The following KRT39 variants were observed in gnomAD, a reference collection of about 807,000 sequenced individuals.
KRT39 encodes keratin 39, also known as keratin, type I cytoskeletal 39.
In KRT39, 47 loss-of-function variants were observed where a neutral mutation model predicts 54.8. The ratio of observed to expected loss-of-function variants is 0.86; its 90% confidence interval spans 0.68 to 1.09. The LOEUF (loss-of-function observed/expected upper bound fraction) is 1.09. Ranked by LOEUF, KRT39 falls within the 50% of genes least tolerant of loss-of-function variation. The pLI is 0.00. For missense variants in KRT39, 580 were observed against 598.5 expected, an observed-to-expected ratio of 0.97 and a Z score of 0.32; for synonymous variants, 207 against 227.9, an observed-to-expected ratio of 0.91 and a Z score of 0.83.
Position 40,958,553 on chromosome 17 carries a change from A to G in KRT39, c.*48T>C, listed in dbSNP as rs527832356. ...TTAAACCTCTCTGGCAGGAGCATGT[A>G]TTGGCCTCTGTTTCATAAATGTGGG... On this transcript the variant is annotated 3_prime_UTR_variant, in exon 7 of 7. Transcript: ENST00000355612. 2 of 1,555,644 alleles carry G rather than the reference A, an allele frequency of 1.3e-6. No individual in the cohort carries two copies. The highest frequency in any genetic ancestry group is 1.7e-6 in the Non-Finnish European group (2 of 1,151,412).
rs189637026 is a variant in KRT39 at position 40,958,452 on chromosome 17, A to C, written c.*149T>G. The C allele has an allele frequency of 1.3e-3, 964 of 735,024 alleles. 8 individuals carry two copies. Among genetic ancestry groups the C allele is most frequent in the Non-Finnish European group, 1.1e-4 (49 of 454,368 alleles). The allele number at this position is 735,024 out of a possible 1,614,324, so 45.5% of individuals were successfully genotyped here. A position where few individuals can be genotyped will look rare whatever the true frequency, so the allele number is the denominator to read the frequency against. On this transcript the variant is annotated 3_prime_UTR_variant, in exon 7 of 7. Transcript: ENST00000355612. ...GGTGAGTTAGGGAAGGAGCAGAATA[A>C]AAGATATTCTACCTAGCAATGGGGA...
chr17:40,959,672 G>A (rs188792401), intron 6 of KRT39, among the ~76,000 whole-genome samples: 6 of 152,282 alleles, frequency 3.9e-5, no homozygotes, highest in Admixed American at 3.9e-4. Flanking sequence ...AGTCTCTGGG[G>A]TTTTAGTTTG....
chr17:40,960,138 GGGTGTGT>G (rs1911077422), intron 6 of KRT39, 136 bp downstream of exon 6: 2 of 673,176 alleles, frequency 3.0e-6, no homozygotes, highest in East Asian at 2.7e-5. Context: ...CAGCTTGAGA[GGGTGTGT>G]GGATGCCTCT....
intron 5 of KRT39, among the ~76,000 whole-genome samples, chr17:40,961,800 C>T (rs1911161267): frequency 6.6e-6 from 1 of 152,166 alleles, no homozygotes; most frequent in Non-Finnish European, 1.5e-5. Flanking sequence ...TAATAAAATG[C>T]TCTCCCAGTG....
intron 1 of KRT39, 70 bp from the exon 2 acceptor site, chr17:40,964,598 TTG>T (rs1911290650): frequency 3.8e-6 from 4 of 1,049,794 alleles, no homozygotes; most frequent in Admixed American, 1.7e-5. Flanking sequence ...ACCAAGGGGT[TTG>T]TGTGTGTGTC....
Position 40,966,903 on chromosome 17 carries a change from T to A in KRT39, c.-47A>T, listed in dbSNP as rs200743058. 48 of 1,424,762 alleles carry A rather than the reference T, an allele frequency of 3.4e-5. No homozygotes were observed. The African/African-American group carries it at 6.5e-4, about 19-fold the overall frequency. 88.3% of individuals were successfully genotyped at this position (1,424,762 alleles called of 1,614,324 possible). A position where few individuals can be genotyped will look rare whatever the true frequency, so the allele number is the denominator to read the frequency against. Reference sequence around the variant, plus strand: ...TGTTCCAGGTCTGTGGTCACCAGGATGAAAAGCTCAAGCCACCTCCACAGA... The same window carrying A: ...TGTTCCAGGTCTGTGGTCACCAGGAAGAAAAGCTCAAGCCACCTCCACAGA... On this transcript the variant is annotated 5_prime_UTR_variant, in exon 1 of 7. Coordinates refer to ENST00000355612, the MANE Select transcript of KRT39 (RefSeq NM_213656.4).
In KRT39 at chr17:40,960,439, C is replaced by T; in HGVS notation, c.1059G>A (p.Gln353=). The part of the protein sequence containing the change: ...TEARYTALLT[Q]IQSLIDNLEA... The stretch of plus-strand genomic sequence containing the variant: ...CCAGGTTATCAATCAGACTCTGGAT[C>T]TGGGTCAGCAAGGCCGTGTAGCGAG... The change falls in exon 6 of 7, where the codon CAG becomes CAA. Residue 353 remains glutamine (Q), a synonymous_variant. Coordinates refer to ENST00000355612, the MANE Select transcript of KRT39 (RefSeq NM_213656.4). 1 of 1,614,022 alleles carries T rather than the reference C, an allele frequency of 6.2e-7. No individual in the cohort carries two copies. Among genetic ancestry groups the T allele is most frequent in the Non-Finnish European group, 8.5e-7 (1 of 1,180,014 alleles).
In KRT39 at chr17:40,958,819, G is replaced by C. The variant is rs1567828836; in HGVS notation, c.1258C>G (p.Pro420Ala). The change falls in exon 7 of 7, where the codon CCT (proline) becomes GCT (alanine). Residue 420 changes from proline to alanine, a missense_variant. Transcript: ENST00000355612. ...GCTCCGGACTTACAAGATGTCCAAGGGGAAGGCTCACATTTGGTGGCACGT... is the reference window on the plus strand; with the variant it reads ...GCTCCGGACTTACAAGATGTCCAAGCGGAAGGCTCACATTTGGTGGCACGT... The part of the protein sequence containing the change: ...YPRATKCEPS[P>A]WTSCKSGAIE... The C allele has an allele frequency of 6.2e-7, 1 of 1,611,892 alleles. No homozygotes were observed. The highest frequency in any genetic ancestry group is 2.2e-5 in the East Asian group (1 of 44,730).
chr17:40,960,410 G>C lies in KRT39; in HGVS notation c.1088C>G (p.Ala363Gly). The part of the protein sequence containing the change: ...QIQSLIDNLE[A>G]QLAEIRCALE... ...GGCACACCGGATCTCTGCCAGCTGA[G>C]CTTCCAGGTTATCAATCAGACTCTG... Residue 363 changes from alanine (A) to glycine (G), a missense_variant, in exon 6 of 7, where the codon GCT becomes GGT. Physicochemically the swap from Ala to Gly is moderately conservative, Grantham distance 60 (BLOSUM62 0). Coordinates refer to ENST00000355612, the MANE Select transcript of KRT39 (RefSeq NM_213656.4). 6.2e-7 allele frequency: 1 copy of C among 1,614,086 alleles called. No individual in the cohort carries two copies. Among genetic ancestry groups the C allele is most frequent in the Non-Finnish European group, 8.5e-7 (1 of 1,180,008 alleles).
At chr17:40,962,124 A>G (rs377714316) in intron 5 of KRT39, 38 bp downstream of exon 5, 1 of 1,609,112 alleles carries the variant, frequency 6.2e-7, no homozygotes, top group Non-Finnish European at 8.5e-7. Flanking sequence ...GACTGTTTCC[A>G]TCTTTGCTGA....
rs2143605240 is a variant in KRT39 at position 40,958,483 on chromosome 17, T to G, written c.*118A>C. ...ATTCTACCTAGCAATGGGGACCCGCTGTAGTAGTAAGAAACTAAGTACCTT... is the reference window on the plus strand; with the variant it reads ...ATTCTACCTAGCAATGGGGACCCGCGGTAGTAGTAAGAAACTAAGTACCTT... On this transcript the variant is annotated 3_prime_UTR_variant, in exon 7 of 7. Coordinates refer to ENST00000355612, the MANE Select transcript of KRT39 (RefSeq NM_213656.4). 8.8e-7 allele frequency: 1 copy of G among 1,137,220 alleles called. No individual in the cohort carries two copies. The highest frequency in any genetic ancestry group is 2.5e-5 in the Admixed American group (1 of 40,166). The allele number at this position is 1,137,220 out of a possible 1,614,324, so 70.4% of individuals were successfully genotyped here.
chr17:40,966,414 G>C lies in KRT39; in HGVS notation c.443C>G (p.Thr148Ser). 1 of 1,613,322 alleles carries C rather than the reference G, an allele frequency of 6.2e-7. No individual in the cohort carries two copies. Among genetic ancestry groups the C allele is most frequent in the Non-Finnish European group, 8.5e-7 (1 of 1,179,284 alleles). The change falls in exon 1 of 7, where the codon ACT becomes AGT. Residue 148 changes from threonine (T) to serine (S), a missense_variant. Thr to Ser is a moderately conservative substitution (Grantham distance 58). Transcript: ENST00000355612. Reference protein sequence around the residue: ...VLCPDYLSYYTTIEELQQKIL... With the variant: ...VLCPDYLSYYSTIEELQQKIL... ...CTTCTGCTGGAGCTCCTCAATGGTAGTGTAGTAAGACAGGTAATCAGGACA... is the reference window on the plus strand; with the variant it reads ...CTTCTGCTGGAGCTCCTCAATGGTACTGTAGTAAGACAGGTAATCAGGACA...
intron 2 of KRT39, 136 bp downstream of exon 2, chr17:40,964,310 T>G: frequency 1.4e-6 from 1 of 725,174 alleles, no homozygotes; most frequent in Non-Finnish European, 2.5e-6. Context: ...TCATTGAATT[T>G]GAAAGTCTTT....
In KRT39 at chr17:40,963,302, TAGTG is replaced by T. The variant is rs533520631; in HGVS notation, c.708+321_708+324del. Among the ~76,000 whole-genome samples the T allele has an allele frequency of 4.7e-3, 717 of 152,204 alleles. 9 individuals are homozygous for T. The highest frequency in any genetic ancestry group is 0.017 in the African/African-American group (692 of 41,522). ...GGTGTCCCCCATGCTGTTCTTAGGA[TAGTG>T]AGTGAGTTCTCACAAGATCTGATAG... is the stretch of plus-strand genomic sequence containing the variant. On this transcript the variant is annotated intron_variant, in intron 3 of 6. Transcript: ENST00000355612.
Position 40,960,488 on chromosome 17 carries a change from T to C in KRT39, c.1010A>G (p.Glu337Gly). The part of the protein sequence containing the change: ...QAQHRMRDSQ[E>G]CILTETEARY... ...AGCCTCTGTCTCCGTTAGGATGCAC[T>C]CTTGGGAATCTCTCTACCATGGAGA... is the stretch of plus-strand genomic sequence containing the variant. The change falls in exon 6 of 7, where the codon GAG becomes GGG. Residue 337 changes from glutamate to glycine, a missense_variant. Coordinates refer to ENST00000355612, the MANE Select transcript of KRT39 (RefSeq NM_213656.4). The C allele has an allele frequency of 6.2e-7, 1 of 1,613,558 alleles. No individual in the cohort carries two copies. The highest frequency in any genetic ancestry group is 1.7e-5 in the Admixed American group (1 of 60,024).
Position 40,963,725 on chromosome 17 carries a change from G to T in KRT39, c.610C>A (p.Gln204Lys). 16 of 1,609,670 alleles carry T rather than the reference G, an allele frequency of 9.9e-6. No individual in the cohort carries two copies. The highest frequency in any genetic ancestry group is 1.4e-5 in the Non-Finnish European group (16 of 1,176,496). Residue 204 changes from glutamine to lysine, a missense_variant, in exon 3 of 7, where the codon CAG becomes AAG. Transcript: ENST00000355612. The part of the protein sequence containing the change: ...LVESDANGLK[Q>K]ILNVLTLGKA... Reference sequence around the variant, plus strand: ...CCCAGGGTCAGCACATTCAGGATCTGCTTGAGGCCATTGGCATCTGACTCT... The same window carrying T: ...CCCAGGGTCAGCACATTCAGGATCTTCTTGAGGCCATTGGCATCTGACTCT...
chr17:40,965,829 C>A (rs1597907542), intron 1 of KRT39, among the ~76,000 whole-genome samples: 1 of 152,252 alleles, frequency 6.6e-6, no homozygotes, highest in East Asian at 1.9e-4. Flanking sequence ...CCTGAGTCAT[C>A]TAGTTATAAT....
chr17:40,965,257 A>C (rs1424067463), intron 1 of KRT39, among the ~76,000 whole-genome samples: 1 of 151,402 alleles, frequency 6.6e-6, no homozygotes, highest in African/African-American at 2.4e-5. Context: ...GTGCCTGTAG[A>C]CCCAGCTACT....
rs1911406207 is a variant in KRT39 at position 40,966,548 on chromosome 17, C to G, written c.309G>C (p.Leu103Phe). 1 of 1,614,190 alleles carries G rather than the reference C, an allele frequency of 6.2e-7. No homozygotes were observed. Among genetic ancestry groups the G allele is most frequent in the Non-Finnish European group, 8.5e-7 (1 of 1,180,034 alleles). ...GCAGGTAGTTAGCAAGGCGCTCGTT[C>G]AAGATTTGCATGGTCTCCTTCTCAT... is the stretch of plus-strand genomic sequence containing the variant. Reference protein sequence around the residue: ...NSNEKETMQILNERLANYLQK... With the variant: ...NSNEKETMQIFNERLANYLQK... The change falls in exon 1 of 7, where the codon TTG becomes TTC. Residue 103 changes from leucine (L) to phenylalanine (F), a missense_variant. Coordinates refer to ENST00000355612, the MANE Select transcript of KRT39 (RefSeq NM_213656.4).
Sources: allele counts gnomAD v4.1 joint callset (sites outside exome capture counted in the v4.1 genomes callset), GRCh38; gene constraint gnomAD v4.1.1; transcripts MANE v1.5; gene names NCBI Gene and HGNC (gene_info 2026-07-23, HGNC 2026-07-21).